The following ERCC4 variants were observed in gnomAD, a reference collection of about 807,000 sequenced individuals.
ERCC4 encodes DNA repair endonuclease XPF.
In ERCC4, 65 loss-of-function variants were observed where a neutral mutation model predicts 76.9. That is an observed-to-expected ratio of 0.84 (90% CI 0.69 to 1.04). The LOEUF is 1.04. ERCC4 is among the 50% of genes least tolerant of loss of function. The pLI is 0.00. For synonymous variants in ERCC4, 463 were observed against 410.1 expected (o/e 1.13, Z -1.56); for missense variants, 1,214 against 1,128.2 (o/e 1.08, Z -1.09).
intron 9 of ERCC4, among the ~76,000 whole-genome samples, chr16:13,940,685 G>C (rs942413930): frequency 6.6e-6 from 1 of 152,306 alleles, no homozygotes; most frequent in South Asian, 2.1e-4. Context: ...AGACATTTAC[G>C]ATAAATCACA....
chr16:13,920,322 T>G lies in ERCC4; in HGVS notation c.157T>G (p.Cys53Gly). The G allele has an allele frequency of 6.2e-7, 1 of 1,600,822 alleles. No homozygotes were observed. The highest frequency in any genetic ancestry group is 8.5e-7 in the Non-Finnish European group (1 of 1,179,242). The change falls in exon 1 of 11, where the codon TGC becomes GGC. Residue 53 changes from cysteine to glycine, a missense_variant. Cys to Gly is a radical substitution (Grantham distance 159). Transcript: ENST00000311895. Reference protein sequence around the residue: ...RLLYHFLQLHCHPACLVLVLN... With the variant: ...RLLYHFLQLHGHPACLVLVLN... ...CCTCTACCACTTTCTCCAGCTGCAC[T>G]GCCACCCAGCCTGCCTGGTGCTGGT...
In ERCC4 at chr16:13,935,590, T is replaced by C; in HGVS notation, c.1658T>C (p.Ile553Thr). Residue 553 changes from isoleucine (I) to threonine (T), a missense_variant, in exon 8 of 11, where the codon ATC becomes ACC. Ile to Thr is a moderately conservative substitution (Grantham distance 89). Coordinates refer to ENST00000311895, the MANE Select transcript of ERCC4 (RefSeq NM_005236.3). Reference protein sequence around the residue: ...AFGILKEPLTIIHPLLGCSDP... With the variant: ...AFGILKEPLTTIHPLLGCSDP... Reference sequence around the variant, plus strand: ...GGAATCCTGAAAGAACCCCTCACTATCATCCATCCGCTTCTGGGTTGCAGC... The same window carrying C: ...GGAATCCTGAAAGAACCCCTCACTACCATCCATCCGCTTCTGGGTTGCAGC... The C allele has an allele frequency of 6.2e-7, 1 of 1,614,174 alleles. No individual in the cohort carries two copies. The highest frequency in any genetic ancestry group is 8.5e-7 in the Non-Finnish European group (1 of 1,180,020).
At chr16:13,927,312 G>A (rs551062367) in intron 3 of ERCC4, 80 of 163,064 alleles carry the variant, frequency 4.9e-4, no homozygotes, top group Non-Finnish European at 7.8e-4. Context: ...TAATCCCAGC[G>A]CTTTGGGAGG....
At chr16:13,945,713 A>G (rs1009385856) in intron 10 of ERCC4, among the ~76,000 whole-genome samples, 1 of 152,184 alleles carries the variant, frequency 6.6e-6, no homozygotes, top group Non-Finnish European at 1.5e-5. Context: ...TTTGGGAAAC[A>G]TTGCCTCAGA....
chr16:13,940,075 G>C (rs531503580), intron 9 of ERCC4, among the ~76,000 whole-genome samples: 1 of 152,170 alleles, frequency 6.6e-6, no homozygotes, highest in African/African-American at 2.4e-5. Context: ...TCACAATACA[G>C]TTTCTTCCAG....
At chr16:13,932,519 G>C in intron 6 of ERCC4, 1 of 575,438 alleles carries the variant, frequency 1.7e-6, no homozygotes, top group Non-Finnish European at 3.0e-6. Context: ...CTATTGCCCA[G>C]GGCTTCCAAA....
At chr16:13,940,174 G>C (rs1050820238) in intron 9 of ERCC4, among the ~76,000 whole-genome samples, 2 of 152,150 alleles carry the variant, frequency 1.3e-5, no homozygotes, top group Non-Finnish European at 2.9e-5. Context: ...ATCACTTGAA[G>C]TCAGGAGTTC....
chr16:13,949,702 A>G lies in ERCC4; in HGVS notation c.*1355A>G, dbSNP rs543949045. On this transcript the variant is annotated 3_prime_UTR_variant, in exon 11 of 11. Coordinates refer to ENST00000311895, the MANE Select transcript of ERCC4 (RefSeq NM_005236.3). Reference sequence around the variant, plus strand: ...TTAAGTTGGCTTTTTACGTAAGTGTACAAATAGGATATTCACAGCATCTTT... The same window carrying G: ...TTAAGTTGGCTTTTTACGTAAGTGTGCAAATAGGATATTCACAGCATCTTT... 2.1e-4 allele frequency: 48 copies of G among 232,800 alleles called. No homozygotes were observed. The highest frequency in any genetic ancestry group is 9.0e-4 in the South Asian group (5 of 5,528). 14.4% of individuals were successfully genotyped at this position (232,800 alleles called of 1,614,324 possible). A position where few individuals can be genotyped will look rare whatever the true frequency, so the allele number is the denominator to read the frequency against.
chr16:13,948,293 T>C lies in ERCC4; in HGVS notation c.2697T>C (p.Asp899=). ...GNAANAKQLY[D]FIHTSFAEVV... ...CTGCAAATGCCAAACAGCTTTATGA[T>C]TTCATTCACACCTCTTTTGCAGAAG... The change falls in exon 11 of 11, where the codon GAT becomes GAC. Residue 899 remains aspartate, a synonymous_variant. Transcript: ENST00000311895. The C allele has an allele frequency of 6.2e-7, 1 of 1,613,924 alleles. No individual in the cohort carries two copies. Among genetic ancestry groups the C allele is most frequent in the Non-Finnish European group, 8.5e-7 (1 of 1,180,008 alleles).
Position 13,925,827 on chromosome 16 carries a change from A to T in ERCC4, c.389-734A>T, listed in dbSNP as rs536231116. On this transcript the variant is annotated intron_variant, in intron 2 of 10. Coordinates refer to ENST00000311895, the MANE Select transcript of ERCC4 (RefSeq NM_005236.3). ...CCTAACTTAGCACTAATCACACTGCATCAGATGACACAATATATATGAAAG... is the reference window on the plus strand; with the variant it reads ...CCTAACTTAGCACTAATCACACTGCTTCAGATGACACAATATATATGAAAG... 3.9e-5 allele frequency among the ~76,000 whole-genome samples: 6 copies of T among 152,298 alleles called. No homozygotes were observed. In the South Asian group the frequency reaches 1.2e-3, roughly 32 times the overall value.
intron 9 of ERCC4, among the ~76,000 whole-genome samples, chr16:13,943,737 T>G (rs1261195754): frequency 3.3e-5 from 5 of 152,150 alleles, no homozygotes; most frequent in Admixed American, 3.3e-4. Flanking sequence ...AGTTGTTTTT[T>G]TTTTTCTTCT....
intron 9 of ERCC4, among the ~76,000 whole-genome samples, chr16:13,940,342 C>T (rs183327139): frequency 4.6e-5 from 7 of 151,408 alleles, no homozygotes; most frequent in African/African-American, 1.2e-4. Context: ...GAGCTTAGAT[C>T]GTGCCACTGC....
chr16:13,949,206 A>C lies in ERCC4; in HGVS notation c.*859A>C, dbSNP rs886051669. On this transcript the variant is annotated 3_prime_UTR_variant, in exon 11 of 11. Transcript: ENST00000311895. ...AGCTCTTAGAATTCTCAATTTTTGC[A>C]CATATTCAGTCTCCTAATATCAGAG... 4.3e-6 allele frequency: 1 copy of C among 233,312 alleles called. No homozygotes were observed. The highest frequency in any genetic ancestry group is 8.5e-6 in the Non-Finnish European group (1 of 118,060). 14.5% of individuals were successfully genotyped at this position (233,312 alleles called of 1,614,324 possible).
At position 13,950,023 on chromosome 16, in the gene ERCC4, G is replaced by A. The variant is rs960247338; in HGVS notation, c.*1676G>A. On this transcript the variant is annotated 3_prime_UTR_variant, in exon 11 of 11. Coordinates refer to ENST00000311895, the MANE Select transcript of ERCC4 (RefSeq NM_005236.3). ...GTTGCCCAGGCTGGAGTGCAGTGGC[G>A]CAATCTCGGCTCACTGCAACCTCGC... The A allele has an allele frequency of 2.5e-4, 52 of 205,760 alleles. 1 individual carries two copies. In the East Asian group the frequency reaches 2.9e-3, roughly 12 times the overall value. 12.7% of individuals were successfully genotyped at this position (205,760 alleles called of 1,614,324 possible). A position where few individuals can be genotyped will look rare whatever the true frequency, so the allele number is the denominator to read the frequency against.
intron 5 of ERCC4, chr16:13,931,733 C>G (rs3136117): frequency 0.14 from 25,034 of 174,272 alleles, 3,671 homozygotes; most frequent in African/African-American, 0.39. Context: ...CACATATTTT[C>G]CTATAAATTA....
chr16:13,947,640 C>A lies in ERCC4; in HGVS notation c.2044C>A (p.Gln682Lys), dbSNP rs2141619690. ...TGGCCAGGAACAGAATGGTACACAG[C>A]AAAGCATAGTTGTGGATATGCGTGA... ...AGGQEQNGTQQSIVVDMREFR... is the reference protein window; with the variant it reads ...AGGQEQNGTQKSIVVDMREFR... The change falls in exon 11 of 11, where the codon CAA (glutamine) becomes AAA (lysine). Residue 682 changes from glutamine to lysine, a missense_variant. By Grantham distance (53) the Gln-to-Lys change is moderately conservative. Transcript: ENST00000311895. 6.2e-7 allele frequency: 1 copy of A among 1,614,132 alleles called. No homozygotes were observed. Among genetic ancestry groups the A allele is most frequent in the Non-Finnish European group, 8.5e-7 (1 of 1,180,000 alleles).
rs779099430 is a variant in ERCC4, at chr16:13,948,190, C to T, written c.2594C>T (p.Ser865Phe). 6.2e-6 allele frequency: 10 copies of T among 1,614,156 alleles called. No homozygotes were observed. The South Asian group carries it at 9.9e-5, about 16-fold the overall frequency. Residue 865 changes from serine (S) to phenylalanine (F), a missense_variant, in exon 11 of 11, where the codon TCC becomes TTC. Physicochemically the swap from Ser to Phe is radical, Grantham distance 155. Transcript: ENST00000311895. ...MPGVNAKNCR[S>F]LMHHVKNIAE... The stretch of plus-strand genomic sequence containing the variant: ...GGGGTGAATGCCAAAAACTGCCGCT[C>T]CTTGATGCACCACGTTAAGAACATC...
Position 13,948,079 on chromosome 16 carries a change from C to T in ERCC4, c.2483C>T (p.Ala828Val), listed in dbSNP as rs2141620917. 2.5e-6 allele frequency: 4 copies of T among 1,614,180 alleles called. No individual in the cohort carries two copies. The South Asian group carries it at 4.4e-5, about 18-fold the overall frequency. ...QSKPQPDAAT[A>V]LAITADSETL... ...AAGCCACAGCCTGATGCGGCGACAG[C>T]ACTGGCCATTACAGCAGATTCTGAA... The change falls in exon 11 of 11, where the codon GCA becomes GTA. Residue 828 changes from alanine (A) to valine (V), a missense_variant. By Grantham distance (64) the Ala-to-Val change is moderately conservative. Coordinates refer to ENST00000311895, the MANE Select transcript of ERCC4 (RefSeq NM_005236.3).
In ERCC4 at chr16:13,935,127, T is replaced by C. The variant is rs747124669; in HGVS notation, c.1214-19T>C. The C allele has an allele frequency of 7.7e-6, 12 of 1,557,458 alleles. 2 individuals are homozygous for C. The Middle Eastern group carries it at 6.7e-4, about 87-fold the overall frequency. On this transcript the variant is annotated intron_variant, in intron 7 of 10. Transcript: ENST00000311895. ...GACAAGTGAGGTAATAGTAACATAA[T>C]GTTGTTTTCTATTTTCAGGTCAAGT...
Sources: allele counts gnomAD v4.1 joint callset (sites outside exome capture counted in the v4.1 genomes callset), GRCh38; gene constraint gnomAD v4.1.1; transcripts MANE v1.5; gene names NCBI Gene and HGNC (gene_info 2026-07-23, HGNC 2026-07-21).